DPYSL5: variants seen among roughly 807,000 people sequenced by gnomAD.
The protein encoded by DPYSL5 is dihydropyrimidinase like 5, also known as dihydropyrimidinase-related protein 5.
Under a neutral mutation model 58.4 loss-of-function variants are expected in DPYSL5, and 9 were observed. That is an observed-to-expected ratio of 0.15 (90% CI 0.09 to 0.27). The LOEUF is 0.27. DPYSL5 is among the 10% of genes least tolerant of loss of function. The probability of loss-of-function intolerance (pLI) is 1.00; values close to 1 mark genes in which losing one functional copy is unlikely to be tolerated. For missense variants in DPYSL5, 499 were observed against 770.6 expected (o/e 0.65, Z 4.17); for synonymous variants, 293 against 301.9 (o/e 0.97, Z 0.31).
intron 1 of DPYSL5, among the ~76,000 whole-genome samples, chr2:26,889,709 C>T (rs549352435): frequency 6.6e-6 from 1 of 151,868 alleles, no homozygotes; most frequent in East Asian, 1.9e-4. Flanking sequence ...AAAAAAAAGC[C>T]TGTATCACAA....
intron 1 of DPYSL5, among the ~76,000 whole-genome samples, chr2:26,887,457 A>G (rs1439583038): frequency 6.6e-6 from 1 of 152,142 alleles, no homozygotes; most frequent in Non-Finnish European, 1.5e-5. Context: ...GGAGCTGGGG[A>G]AGGCGATGAC....
intron 1 of DPYSL5, among the ~76,000 whole-genome samples, chr2:26,878,508 C>T (rs1199890110): frequency 6.6e-6 from 1 of 152,130 alleles, no homozygotes; most frequent in Non-Finnish European, 1.5e-5. Flanking sequence ...GTCTAAATTA[C>T]TCTGATTTTT....
At chr2:26,919,901 C>T (rs761749683) in intron 2 of DPYSL5, among the ~76,000 whole-genome samples, 1 of 151,988 alleles carries the variant, frequency 6.6e-6, no homozygotes, top group Non-Finnish European at 1.5e-5. Context: ...CATGTTTATA[C>T]AATGAATCAA....
intron 2 of DPYSL5, among the ~76,000 whole-genome samples, chr2:26,911,928 T>C (rs1664449910): frequency 6.6e-6 from 1 of 152,228 alleles, no homozygotes; most frequent in Non-Finnish European, 1.5e-5. Flanking sequence ...AATATATTTT[T>C]CCCACCAGGT....
chr2:26,943,506 G>A (rs1665379535), intron 11 of DPYSL5, among the ~76,000 whole-genome samples: 1 of 152,184 alleles, frequency 6.6e-6, no homozygotes, highest in African/African-American at 2.4e-5. Context: ...CAAGTGATCC[G>A]TCTGCCTCGG....
rs375599995 is a variant in DPYSL5, at chr2:26,924,860, C to T, written c.262-27C>T. The T allele has an allele frequency of 1.6e-5, 26 of 1,606,848 alleles. No homozygotes were observed. The highest frequency in any genetic ancestry group is 3.3e-4 in the Middle Eastern group (2 of 6,050). ...GACTCGGGGGCAGGCAGGGCTGTGA[C>T]GAGACTGCCTTTTCCCGTCTTCCCA... On this transcript the variant is annotated intron_variant, in intron 2 of 12. Transcript: ENST00000288699. This position sits in a 1 kb window ranked among gnomAD's most constrained non-coding sequence, Gnocchi z 4.7.
chr2:26,900,227 G>A lies in DPYSL5; in HGVS notation c.261+1467G>A, dbSNP rs1021751487. 1.2e-4 allele frequency among the ~76,000 whole-genome samples: 19 copies of A among 152,100 alleles called. 1 individual carries two copies. Among genetic ancestry groups the A allele is most frequent in the Non-Finnish European group, 2.6e-4 (18 of 68,038 alleles). ...TCCCATCAGGGATAACCACTATCCT[G>A]ACTTCTAATAGGATTTTTTAAATAA... On this transcript the variant is annotated intron_variant, in intron 2 of 12. Transcript: ENST00000288699.
At chr2:26,918,985 G>A (rs1425204492) in intron 2 of DPYSL5, among the ~76,000 whole-genome samples, 1 of 152,188 alleles carries the variant, frequency 6.6e-6, no homozygotes, top group African/African-American at 2.4e-5. Context: ...GGGAGCAATT[G>A]CTACAGGAAA....
rs1304249379 is a variant in DPYSL5 at position 26,944,245 on chromosome 2, A to G, written c.1441-411A>G. 6.6e-6 allele frequency among the ~76,000 whole-genome samples: 1 copy of G among 152,308 alleles called. No individual in the cohort carries two copies. The highest frequency in any genetic ancestry group is 6.5e-5 in the Admixed American group (1 of 15,304). On this transcript the variant is annotated intron_variant, in intron 11 of 12. Coordinates refer to ENST00000288699, the MANE Select transcript of DPYSL5 (RefSeq NM_020134.4). The surrounding 1 kb of genome is among the most constrained non-coding windows in gnomAD (Gnocchi z 4.4). ...GGTTGCAGTGAGCCAAGATCGCACCACTGCACTCCAGCATGGGCGACAGAG... is the reference window on the plus strand; with the variant it reads ...GGTTGCAGTGAGCCAAGATCGCACCGCTGCACTCCAGCATGGGCGACAGAG...
Position 26,928,317 on chromosome 2 carries a change from A to G in DPYSL5, c.663A>G (p.Pro221=). The part of the protein sequence containing the change: ...TGPEGIEISR[P]EELEAEATHR... ...CAGAAGGAATCGAGATCAGCCGTCC[A>G]GAGGAGGTGAGAAACACTTCCTGTA... The change falls in exon 5 of 13, where the codon CCA becomes CCG. Residue 221 remains proline, a synonymous_variant. Transcript: ENST00000288699. 6.2e-7 allele frequency: 1 copy of G among 1,613,912 alleles called. No homozygotes were observed. Among genetic ancestry groups the G allele is most frequent in the Non-Finnish European group, 8.5e-7 (1 of 1,179,900 alleles).
chr2:26,880,058 C>T (rs1663517014), intron 1 of DPYSL5, among the ~76,000 whole-genome samples: 1 of 152,052 alleles, frequency 6.6e-6, no homozygotes, highest in African/African-American at 2.4e-5. Context: ...ACCCAGCTAA[C>T]TTTTGATTTT....
Position 26,905,128 on chromosome 2 carries a change from G to T in DPYSL5, c.261+6368G>T, listed in dbSNP as rs1243868914. The stretch of plus-strand genomic sequence containing the variant: ...CCAAATTTTGCTGGACCAGATGAGG[G>T]TGTCTCAGAATGGATTTGCATCAGG... On this transcript the variant is annotated intron_variant, in intron 2 of 12. Transcript: ENST00000288699. This position sits in a 1 kb window ranked among gnomAD's most constrained non-coding sequence, Gnocchi z 4.0. Among the ~76,000 whole-genome samples the T allele has an allele frequency of 6.6e-6, 1 of 152,166 alleles. No individual in the cohort carries two copies. The highest frequency in any genetic ancestry group is 1.5e-5 in the Non-Finnish European group (1 of 68,022).
rs955142521 is a variant in DPYSL5 at position 26,870,635 on chromosome 2, G to A, written c.-5+22381G>A. On this transcript the variant is annotated intron_variant, in intron 1 of 12. Transcript: ENST00000288699. ...CTGAAGGATTGCTTGGAGCCCAGGA[G>A]GTTGAGGCTGCAGTGAGCTATGATC... Among the ~76,000 whole-genome samples, 12 of 151,738 alleles carry A rather than the reference G, an allele frequency of 7.9e-5. 1 individual carries two copies. The highest frequency in any genetic ancestry group is 6.6e-4 in the Admixed American group (10 of 15,222).
chr2:26,890,412 A>C (rs1663846959), intron 1 of DPYSL5, among the ~76,000 whole-genome samples: 1 of 152,240 alleles, frequency 6.6e-6, no homozygotes, highest in African/African-American at 2.4e-5. Flanking sequence ...GGTAGGGAGC[A>C]TGTTAGGCAA....
intron 2 of DPYSL5, among the ~76,000 whole-genome samples, chr2:26,911,329 T>A (rs1664434485): frequency 6.6e-6 from 1 of 152,152 alleles, no homozygotes; most frequent in African/African-American, 2.4e-5. Flanking sequence ...GTTGTATGAC[T>A]ATTTTATGTC....
intron 11 of DPYSL5, among the ~76,000 whole-genome samples, chr2:26,943,093 G>A (rs1289944334): frequency 6.6e-6 from 1 of 151,866 alleles, no homozygotes; most frequent in African/African-American, 2.4e-5. Flanking sequence ...GGGGGCTGGA[G>A]ATGCTGCTTT....
chr2:26,933,420 C>T lies in DPYSL5; in HGVS notation c.790+87C>T. On this transcript the variant is annotated intron_variant, in intron 7 of 12. Transcript: ENST00000288699. The surrounding 1 kb of genome is among the most constrained non-coding windows in gnomAD (Gnocchi z 4.2). ...CCCATTAGCCGTGCTCACTCCTGGC[C>T]CCGGCTCCTGAAACCAGGACCTGAG... 7.6e-7 allele frequency: 1 copy of T among 1,311,412 alleles called. No individual in the cohort carries two copies. The highest frequency in any genetic ancestry group is 1.2e-5 in the South Asian group (1 of 83,134). 81.2% of individuals were successfully genotyped at this position (1,311,412 alleles called of 1,614,324 possible).
At chr2:26,935,955 T>A (rs1159735135) in intron 8 of DPYSL5, among the ~76,000 whole-genome samples, 1 of 152,190 alleles carries the variant, frequency 6.6e-6, no homozygotes, top group Non-Finnish European at 1.5e-5. Flanking sequence ...TTCTACAGTA[T>A]CTGAGGCCCA....
At chr2:26,931,584 G>C (rs1445903931) in intron 5 of DPYSL5, 56 bp from the exon 6 acceptor site, 1 of 1,606,342 alleles carries the variant, frequency 6.2e-7, no homozygotes, top group Admixed American at 1.7e-5. Flanking sequence ...TATGGTGTGG[G>C]TATCCTTGGA....
Sources: gnomAD v4.1 joint callset for allele counts (sites outside exome capture counted in the v4.1 genomes callset) on GRCh38, gnomAD v4.1.1 for gene constraint, Gnocchi (gnomAD v3.1) non-coding constraint, MANE v1.5 for transcripts, NCBI Gene and HGNC (gene_info 2026-07-23, HGNC 2026-07-21) for gene names.